Variants in TSGA10 observed in about 807,000 individuals in gnomAD.
TSGA10 encodes the protein testis-specific gene 10 protein.
In TSGA10, 43 loss-of-function variants were observed where a neutral mutation model predicts 96.6. That is an observed-to-expected ratio of 0.44 (90% confidence interval 0.35 to 0.57). TSGA10 has a LOEUF of 0.57. Ranked by LOEUF, TSGA10 falls within the 20% of genes least tolerant of loss-of-function variation. The pLI is 0.01. For synonymous variants in TSGA10, 229 were observed against 269.9 expected (o/e 0.85, Z 1.48); for missense variants, 703 against 834.4 (o/e 0.84, Z 1.94).
chr2:99,056,186 CAG>C (rs969374362), intron 16 of TSGA10, among the ~76,000 whole-genome samples: 17 of 146,288 alleles, frequency 1.2e-4, no homozygotes, highest in African/African-American at 4.5e-4. Flanking sequence ...GCCTGGGTGA[CAG>C]AGCAAGACTT....
intron 17 of TSGA10, among the ~76,000 whole-genome samples, chr2:99,023,608 A>C (rs536295911): frequency 6.6e-6 from 1 of 152,170 alleles, no homozygotes; most frequent in African/African-American, 2.4e-5. Flanking sequence ...TCTTTTCCAC[A>C]TAGATATTAG....
rs1355221119 is a variant in TSGA10 at position 99,150,776 on chromosome 2, T to G, written c.-621+3917A>C. 7 of 1,611,848 alleles carry G rather than the reference T, an allele frequency of 4.3e-6. No individual in the cohort carries two copies. In the Admixed American group the frequency reaches 1.0e-4, roughly 23 times the overall value. Reference sequence around the variant, plus strand: ...ACAGGATCTCTTTCTGGGAAAGCCTTGGGTTCAGTGGTATATGTCAAAGAA... The same window carrying G: ...ACAGGATCTCTTTCTGGGAAAGCCTGGGGTTCAGTGGTATATGTCAAAGAA... On this transcript the variant is annotated intron_variant, in intron 1 of 20. Coordinates refer to ENST00000393483, the MANE Select transcript of TSGA10 (RefSeq NM_025244.4).
intron 2 of TSGA10, among the ~76,000 whole-genome samples, chr2:99,123,481 T>C (rs1056279430): frequency 6.6e-6 from 1 of 152,194 alleles, no homozygotes; most frequent in Non-Finnish European, 1.5e-5. Flanking sequence ...TTGAGAACAT[T>C]GAGCTTTTAT....
chr2:99,028,588 C>A (rs1408015027), intron 17 of TSGA10, among the ~76,000 whole-genome samples: 2 of 152,002 alleles, frequency 1.3e-5, no homozygotes, highest in Non-Finnish European at 2.9e-5. Context: ...AAAATTTGCA[C>A]CCCTTGTCCA....
intron 17 of TSGA10, among the ~76,000 whole-genome samples, chr2:99,025,114 G>A (rs1043482478): frequency 2.6e-4 from 40 of 152,142 alleles, no homozygotes; most frequent in African/African-American, 9.2e-4. Flanking sequence ...TGAGGTGTTT[G>A]TCTGGCTTTG....
At chr2:98,999,751 G>A (rs1359495199) in intron 20 of TSGA10, among the ~76,000 whole-genome samples, 1 of 152,106 alleles carries the variant, frequency 6.6e-6, no homozygotes, top group Non-Finnish European at 1.5e-5. Flanking sequence ...TATTTATACT[G>A]TTCTATTCTA....
rs2090086374 is a variant in TSGA10 at position 99,096,724 on chromosome 2, A to G, written c.611+7243T>C. Among the ~76,000 whole-genome samples the G allele has an allele frequency of 2.0e-5, 3 of 152,314 alleles. No homozygotes were observed. The South Asian group carries it at 6.2e-4, about 32-fold the overall frequency. The stretch of plus-strand genomic sequence containing the variant: ...CTGGGAAACGAGGAGGCAACAGAAA[A>G]CAGACTTTGCTATCTAAGCATAAAC... On this transcript the variant is annotated intron_variant, in intron 10 of 20. Coordinates refer to ENST00000393483, the MANE Select transcript of TSGA10 (RefSeq NM_025244.4).
intron 1 of TSGA10, among the ~76,000 whole-genome samples, chr2:99,136,611 A>T (rs2093336822): frequency 2.9e-5 from 1 of 34,742 alleles, no homozygotes; most frequent in African/African-American, 6.5e-5. Flanking sequence ...TCCCGGCTAA[A>T]ACGGTGAAAC....
intron 10 of TSGA10, among the ~76,000 whole-genome samples, chr2:99,094,366 C>A (rs1574279849): frequency 6.6e-6 from 1 of 152,006 alleles, no homozygotes; most frequent in African/African-American, 2.4e-5. Context: ...GACCAAGAAC[C>A]CAAAAGCAAA....
At chr2:99,057,132 ATGAAATGC>A (rs58025866) in intron 16 of TSGA10, among the ~76,000 whole-genome samples, 52,977 of 151,668 alleles carry the variant, frequency 0.35, 10,530 homozygotes, top group African/African-American at 0.55. Context: ...ATGGTAAAAG[ATGAAATGC>A]TTTCCCCCTA....
Position 99,109,465 on chromosome 2 carries a change from T to G in TSGA10, c.-26A>C. The G allele has an allele frequency of 1.2e-6, 2 of 1,611,338 alleles. No individual in the cohort carries two copies. The highest frequency in any genetic ancestry group is 1.7e-6 in the Non-Finnish European group (2 of 1,178,274). ...CTTTCTCAAATGTTGAGCTTCACTC[T>G]TATAGTGATCTTTGTCTGCTTCCAA... On this transcript the variant is annotated 5_prime_UTR_variant, in exon 6 of 21. Transcript: ENST00000393483.
At chr2:99,127,395 C>T (rs1041281793) in intron 1 of TSGA10, among the ~76,000 whole-genome samples, 6 of 152,088 alleles carry the variant, frequency 3.9e-5, no homozygotes, top group Admixed American at 2.0e-4. Context: ...CAAAGACATT[C>T]CCTACACTAT....
chr2:99,150,838 A>T, intron 1 of TSGA10: 5 of 1,565,210 alleles, frequency 3.2e-6, no homozygotes, highest in Non-Finnish European at 4.3e-6. Context: ...GGAATGAAGC[A>T]ATTTGTACGT....
intron 10 of TSGA10, 140 bp from the exon 11 acceptor site, chr2:99,081,537 A>G (rs1408435528): frequency 5.1e-6 from 2 of 389,642 alleles, no homozygotes; most frequent in African/African-American, 4.2e-5. Context: ...TATTTTCATT[A>G]TAAAACCAGG....
Position 99,068,984 on chromosome 2 carries a change from T to G in TSGA10, c.1122A>C (p.Lys374Asn). Residue 374 changes from lysine to asparagine, a missense_variant, in exon 15 of 21, where the codon AAA becomes AAC. Transcript: ENST00000393483. ...AKQENQALSKKLNDTHNELND... is the reference protein window; with the variant it reads ...AKQENQALSKNLNDTHNELND... ...TAAGTTCATTATGAGTGTCATTCAA[T>G]TTTTTGGACAGTGCCTACGAAAAAA... 6.8e-7 allele frequency: 1 copy of G among 1,462,052 alleles called. No homozygotes were observed. Among genetic ancestry groups the G allele is most frequent in the African/African-American group, 1.5e-5 (1 of 68,000 alleles). The allele number at this position is 1,462,052 out of a possible 1,614,324, so 90.6% of individuals were successfully genotyped here.
At chr2:99,050,108 A>C (rs1010057804) in intron 16 of TSGA10, among the ~76,000 whole-genome samples, 2 of 152,194 alleles carry the variant, frequency 1.3e-5, no homozygotes, top group African/African-American at 4.8e-5. Flanking sequence ...TAAGGAAATG[A>C]AAAGAGACAA....
rs993643303 is a variant in TSGA10, at chr2:99,073,221, A to G, written c.883-148T>C. Reference sequence around the variant, plus strand: ...TGTCCTATTCTTTTCCACACTTTAAAGCCTAGTATATCAATGTGAATATTT... The same window carrying G: ...TGTCCTATTCTTTTCCACACTTTAAGGCCTAGTATATCAATGTGAATATTT... On this transcript the variant is annotated intron_variant, in intron 12 of 20. Coordinates refer to ENST00000393483, the MANE Select transcript of TSGA10 (RefSeq NM_025244.4). 7.0e-6 allele frequency: 4 copies of G among 571,910 alleles called. No homozygotes were observed. The African/African-American group carries it at 7.5e-5, about 11-fold the overall frequency. The allele number at this position is 571,910 out of a possible 1,614,324, so 35.4% of individuals were successfully genotyped here. A position where few individuals can be genotyped will look rare whatever the true frequency, so the allele number is the denominator to read the frequency against.
chr2:99,107,952 T>C (rs1466841210), intron 7 of TSGA10, among the ~76,000 whole-genome samples: 2 of 152,188 alleles, frequency 1.3e-5, no homozygotes, highest in East Asian at 3.8e-4. Context: ...AACCAATTTA[T>C]TTATCTGCTG....
intron 20 of TSGA10, among the ~76,000 whole-genome samples, chr2:99,006,451 A>T (rs1205752928): frequency 6.6e-6 from 1 of 152,240 alleles, no homozygotes; most frequent in Non-Finnish European, 1.5e-5. Context: ...TTACAAGAAA[A>T]AAAACAAACA....
Sources: allele counts gnomAD v4.1 joint callset (sites outside exome capture counted in the v4.1 genomes callset), GRCh38; gene constraint gnomAD v4.1.1; transcripts MANE v1.5; gene names NCBI Gene and HGNC (gene_info 2026-07-23, HGNC 2026-07-21).